The following RNF24 variants were observed in gnomAD, a reference collection of about 807,000 sequenced individuals.
RNF24 encodes ring finger protein 24.
RNF24 carries 14 observed loss-of-function variants against 20.0 expected under a neutral mutation model. The observed-to-expected ratio is 0.70, with a 90% CI of 0.46 to 1.10. The LOEUF (loss-of-function observed/expected upper bound fraction) is 1.10, where lower values mean the gene tolerates loss of function less well. Among genes scored for constraint, RNF24 ranks in the 50% least tolerant of loss-of-function variants. The probability of loss-of-function intolerance (pLI) is 0.00; values close to 1 mark genes in which losing one functional copy is unlikely to be tolerated. For synonymous variants in RNF24, 45 were observed against 61.1 expected, an observed-to-expected ratio of 0.74 and a Z score of 1.23; for missense variants, 124 against 177.6, an observed-to-expected ratio of 0.70 and a Z score of 1.71.
At chr20:3,976,815 G>T (rs6116141) in intron 1 of RNF24, among the ~76,000 whole-genome samples, 9 of 152,156 alleles carry the variant, frequency 5.9e-5, no homozygotes, top group Non-Finnish European at 8.8e-5. Context: ...TTGATGTACT[G>T]TAAGAAATCC....
At chr20:3,966,133 C>CAAAAAAAAAAAAA (rs574975352) in intron 1 of RNF24, among the ~76,000 whole-genome samples, 12 of 81,468 alleles carry the variant, frequency 1.5e-4, no homozygotes, top group African/African-American at 2.0e-4. Flanking sequence ...GATTCCATCT[C>CAAAAAAAAAAAAA]AAAAAAAAAA....
At chr20:3,944,102 C>T (rs1487802844) in intron 4 of RNF24, among the ~76,000 whole-genome samples, 1 of 151,202 alleles carries the variant, frequency 6.6e-6, no homozygotes, top group East Asian at 1.9e-4. Flanking sequence ...CCTAGCTACT[C>T]GACAGGCTGA....
chr20:3,941,844 G>C (rs773904904), intron 4 of RNF24, among the ~76,000 whole-genome samples: 1 of 152,028 alleles, frequency 6.6e-6, no homozygotes, highest in East Asian at 1.9e-4. Context: ...GAGGCCGAGG[G>C]GGGCAGATCA....
At chr20:4,003,324 C>T (rs905329986) in intron 1 of RNF24, among the ~76,000 whole-genome samples, 3 of 152,120 alleles carry the variant, frequency 2.0e-5, no homozygotes, top group African/African-American at 7.2e-5. Flanking sequence ...TCCTTCACAT[C>T]CCTTCTGAAA....
chr20:3,990,451 AC>A (rs1204507499), intron 1 of RNF24, among the ~76,000 whole-genome samples: 2 of 152,236 alleles, frequency 1.3e-5, no homozygotes, highest in East Asian at 3.8e-4. Context: ...ACACATTTGT[AC>A]CAGGCTCTTC....
Position 3,934,913 on chromosome 20 carries a change from G to A in RNF24, c.308+81C>T. 2 of 1,103,972 alleles carry A rather than the reference G, an allele frequency of 1.8e-6. No homozygotes were observed. The allele number at this position is 1,103,972 out of a possible 1,614,324, so 68.4% of individuals were successfully genotyped here. A position where few individuals can be genotyped will look rare whatever the true frequency, so the allele number is the denominator to read the frequency against. On this transcript the variant is annotated intron_variant, in intron 5 of 5. Transcript: ENST00000358395. This position sits in a 1 kb window ranked among gnomAD's most constrained non-coding sequence, Gnocchi z 4.0. ...ATCATGAAGCCATCAAGCTTGTCTG[G>A]CACTGCCCTAAAACCCAAAAGAAGT...
At position 3,928,809 on chromosome 20, in the gene RNF24, A is replaced by ATT. The variant is rs1315761308; in HGVS notation, c.*5253_*5254insAA. The ATT allele has an allele frequency of 2.7e-5, 4 of 150,230 alleles. No individual in the cohort carries two copies. Among genetic ancestry groups the ATT allele is most frequent in the Non-Finnish European group, 5.9e-5 (4 of 67,572 alleles). 9.3% of individuals were successfully genotyped at this position (150,230 alleles called of 1,614,324 possible). A position where few individuals can be genotyped will look rare whatever the true frequency, so the allele number is the denominator to read the frequency against. On this transcript the variant is annotated 3_prime_UTR_variant, in exon 6 of 6. Transcript: ENST00000358395. ...TGGGGTAATTTCTGTTGTCAAATGG[A>ATT]AAACAAGGCATAAAGGGAAAATTCT...
intron 1 of RNF24, among the ~76,000 whole-genome samples, chr20:4,001,356 T>A (rs1271107141): frequency 6.6e-6 from 1 of 152,054 alleles, no homozygotes; most frequent in African/African-American, 2.4e-5. Context: ...GTAAAATGCC[T>A]GAAAAAATAT....
intron 3 of RNF24, among the ~76,000 whole-genome samples, chr20:3,946,328 G>T (rs758120292): frequency 1.3e-5 from 2 of 152,054 alleles, no homozygotes; most frequent in Admixed American, 6.6e-5. Flanking sequence ...TTAGCCAGGT[G>T]TGGTGGTGCA....
chr20:3,997,686 A>C (rs916976786), intron 1 of RNF24, among the ~76,000 whole-genome samples: 1 of 152,146 alleles, frequency 6.6e-6, no homozygotes, highest in Non-Finnish European at 1.5e-5. Context: ...TTGGCATCCC[A>C]AAGTGTTGGG....
In RNF24 at chr20:3,933,489, T is replaced by A. The variant is rs1600613950; in HGVS notation, c.*574A>T. 7.4e-6 allele frequency: 2 copies of A among 269,472 alleles called. No homozygotes were observed. Among genetic ancestry groups the A allele is most frequent in the East Asian group, 1.3e-4 (2 of 15,390 alleles). The allele number at this position is 269,472 out of a possible 1,614,324, so 16.7% of individuals were successfully genotyped here. On this transcript the variant is annotated 3_prime_UTR_variant, in exon 6 of 6. Coordinates refer to ENST00000358395, the MANE Select transcript of RNF24 (RefSeq NM_001134337.3). ...GCTTAGATGATTTGATAGCAGGTGTTGTAATCCTGAGGGGGAAATGGGTGA... is the reference window on the plus strand; with the variant it reads ...GCTTAGATGATTTGATAGCAGGTGTAGTAATCCTGAGGGGGAAATGGGTGA...
intron 1 of RNF24, among the ~76,000 whole-genome samples, chr20:3,983,780 A>C (rs1490737874): frequency 6.6e-6 from 1 of 151,828 alleles, no homozygotes; most frequent in East Asian, 1.9e-4. Context: ...ATCTCTATTA[A>C]AAATACAAAA....
Position 3,928,059 on chromosome 20 carries a change from T to G in RNF24, c.*6004A>C, listed in dbSNP as rs750463782. ...ACACTCCCCAGCACATGGGGATCCCTTATTAATCTTTACTAAAGAACCGTG... is the reference window on the plus strand; with the variant it reads ...ACACTCCCCAGCACATGGGGATCCCGTATTAATCTTTACTAAAGAACCGTG... On this transcript the variant is annotated 3_prime_UTR_variant, in exon 6 of 6. Transcript: ENST00000358395. The G allele has an allele frequency of 6.6e-6, 1 of 152,196 alleles. No homozygotes were observed. The highest frequency in any genetic ancestry group is 1.5e-5 in the Non-Finnish European group (1 of 68,034). The allele number at this position is 152,196 out of a possible 1,614,324, so 9.4% of individuals were successfully genotyped here.
At chr20:3,991,531 C>T (rs886556062) in intron 1 of RNF24, among the ~76,000 whole-genome samples, 5 of 152,054 alleles carry the variant, frequency 3.3e-5, no homozygotes, top group African/African-American at 4.8e-5. Flanking sequence ...GGATTACAGG[C>T]GTGAGCCACT....
Position 3,934,018 on chromosome 20 carries a change from C to T in RNF24, c.*45G>A. On this transcript the variant is annotated 3_prime_UTR_variant, in exon 6 of 6. Transcript: ENST00000358395. This position sits in a 1 kb window ranked among gnomAD's most constrained non-coding sequence, Gnocchi z 4.0. ...GACACCACATGTGTTCCTCCTGGCTCCACACAGACGTCGTGTCCAGCAACA... is the reference window on the plus strand; with the variant it reads ...GACACCACATGTGTTCCTCCTGGCTTCACACAGACGTCGTGTCCAGCAACA... 7.1e-7 allele frequency: 1 copy of T among 1,416,286 alleles called. No homozygotes were observed. Among genetic ancestry groups the T allele is most frequent in the African/African-American group, 1.5e-5 (1 of 67,320 alleles). The allele number at this position is 1,416,286 out of a possible 1,614,324, so 87.7% of individuals were successfully genotyped here. A position where few individuals can be genotyped will look rare whatever the true frequency, so the allele number is the denominator to read the frequency against.
chr20:3,985,949 T>G (rs537513825), intron 1 of RNF24, among the ~76,000 whole-genome samples: 58 of 152,214 alleles, frequency 3.8e-4, no homozygotes, highest in Non-Finnish European at 7.1e-4. Flanking sequence ...AGTAGAGGTC[T>G]GGTTTCTCCT....
chr20:3,997,911 G>A (rs1017621194), intron 1 of RNF24, among the ~76,000 whole-genome samples: 2 of 152,096 alleles, frequency 1.3e-5, no homozygotes, highest in African/African-American at 2.4e-5. Context: ...ATTAAGTATC[G>A]CAGTCCAAAT....
chr20:3,943,316 TTG>T (rs2090979680), intron 4 of RNF24, among the ~76,000 whole-genome samples: 1 of 151,940 alleles, frequency 6.6e-6, no homozygotes, highest in South Asian at 2.1e-4. Context: ...TTTTTTTTTT[TTG>T]TGGATACAGA....
At chr20:3,990,460 T>G (rs1010552795) in intron 1 of RNF24, among the ~76,000 whole-genome samples, 2 of 152,220 alleles carry the variant, frequency 1.3e-5, no homozygotes, top group African/African-American at 4.8e-5. Flanking sequence ...TACCAGGCTC[T>G]TCACACAAAC....
Sources: gnomAD v4.1 joint callset for allele counts (sites outside exome capture counted in the v4.1 genomes callset) on GRCh38, gnomAD v4.1.1 for gene constraint, Gnocchi (gnomAD v3.1) non-coding constraint, MANE v1.5 for transcripts, NCBI Gene and HGNC (gene_info 2026-07-23, HGNC 2026-07-21) for gene names.